The following RANBP2 variants were observed in gnomAD, a reference collection of about 807,000 sequenced individuals.
RANBP2 encodes E3 SUMO-protein ligase RanBP2.
In RANBP2, 57 loss-of-function variants were observed where a neutral mutation model predicts 303.6. The observed-to-expected ratio is 0.19, with a 90% CI of 0.15 to 0.23. The LOEUF (loss-of-function observed/expected upper bound fraction) is 0.23, where lower values mean the gene tolerates loss of function less well. RANBP2 is among the 10% of genes least tolerant of loss of function. The probability of loss-of-function intolerance (pLI) is 1.00; values close to 1 mark genes in which losing one functional copy is unlikely to be tolerated. For synonymous variants in RANBP2, 1,167 were observed against 1,301.5 expected (o/e 0.90, Z 2.23); for missense variants, 3,138 against 3,780.8 (o/e 0.83, Z 4.46).
chr2:109,748,599 G>A, the RANBP2 span, among the ~76,000 whole-genome samples: 5 of 113,394 alleles, frequency 4.4e-5, no homozygotes, highest in African/African-American at 9.5e-5. Flanking sequence ...TAGGCCGGGC[G>A]CAGTGGCTCA....
the RANBP2 span, among the ~76,000 whole-genome samples, chr2:109,666,078 TCCAG>T: frequency 4.0e-5 from 6 of 148,936 alleles, no homozygotes; most frequent in Admixed American, 3.4e-4. Flanking sequence ...GCCATTGCAC[TCCAG>T]CCTGGCAAAA....
At chr2:108,857,066 C>CTTTT in the RANBP2 span, 132 of 44,096 alleles carry the variant, frequency 3.0e-3, 16 homozygotes, top group African/African-American at 7.0e-3. Context: ...GATACTATTG[C>CTTTT]TTTTTTTTTT....
the RANBP2 span, among the ~76,000 whole-genome samples, chr2:108,872,194 A>G: frequency 6.6e-6 from 1 of 152,132 alleles, no homozygotes; most frequent in African/African-American, 2.4e-5. Context: ...GAATTCAGAG[A>G]AGAGTCTGAT....
chr2:108,950,643 T>C, the RANBP2 span, among the ~76,000 whole-genome samples: 2 of 152,216 alleles, frequency 1.3e-5, no homozygotes, highest in African/African-American at 4.8e-5. Flanking sequence ...CACACAGCCA[T>C]ATGCTGTCCC....
the RANBP2 span, among the ~76,000 whole-genome samples, chr2:109,304,467 C>T: frequency 6.6e-6 from 1 of 152,182 alleles, no homozygotes; most frequent in East Asian, 1.9e-4. Context: ...GCTAGGGGTT[C>T]CTTGTTCCCT....
the RANBP2 span, among the ~76,000 whole-genome samples, chr2:109,272,217 T>G: frequency 6.6e-6 from 1 of 152,198 alleles, no homozygotes; most frequent in Non-Finnish European, 1.5e-5. Context: ...TCTGACAGCC[T>G]TTTTCCTAGT....
chr2:108,882,027 G>A, the RANBP2 span, among the ~76,000 whole-genome samples: 9 of 151,828 alleles, frequency 5.9e-5, no homozygotes, highest in African/African-American at 1.2e-4. Context: ...AGTGGCAGGC[G>A]CTTGTAGTCC....
At chr2:108,809,218 G>GT in the RANBP2 span, among the ~76,000 whole-genome samples, 1 of 152,170 alleles carries the variant, frequency 6.6e-6, no homozygotes, top group African/African-American at 2.4e-5. Context: ...GGTTACTACA[G>GT]TTTTGTAGTA....
At chr2:108,729,786 C>A (rs1383912286) in intron 2 of RANBP2, among the ~76,000 whole-genome samples, 1 of 150,148 alleles carries the variant, frequency 6.7e-6, no homozygotes, top group Non-Finnish European at 1.5e-5. Context: ...CTGGCTCCAT[C>A]TTTGCTCACT....
At chr2:109,676,118 C>A in the RANBP2 span, among the ~76,000 whole-genome samples, 1 of 152,202 alleles carries the variant, frequency 6.6e-6, no homozygotes, top group Admixed American at 6.5e-5. Context: ...GAAGCCTTTC[C>A]CAACCAGCTG....
the RANBP2 span, chr2:109,667,691 C>A: frequency 5.9e-6 from 1 of 170,628 alleles, no homozygotes. Context: ...TTGCCTCTAT[C>A]TTGGATTCCA....
chr2:108,735,745 G>A lies in RANBP2; in HGVS notation c.619G>A (p.Val207Ile). 6.3e-7 allele frequency: 1 copy of A among 1,597,578 alleles called. No individual in the cohort carries two copies. Among genetic ancestry groups the A allele is most frequent in the Non-Finnish European group, 8.5e-7 (1 of 1,179,778 alleles). ...TTCAAGTTTAGAATGGAATTCGTGT[G>A]TTGTACAGACCCTTAAGGTAGATAA... ...LRSSLEWNSC[V>I]VQTLKEYLES... The change falls in exon 5 of 29, where the codon GTT becomes ATT. Residue 207 changes from valine to isoleucine, a missense_variant. Val to Ile is a conservative substitution (Grantham distance 29). Coordinates refer to ENST00000283195, the MANE Select transcript of RANBP2 (RefSeq NM_006267.5).
the RANBP2 span, among the ~76,000 whole-genome samples, chr2:109,439,541 G>A: frequency 6.6e-6 from 1 of 152,112 alleles, no homozygotes; most frequent in African/African-American, 2.4e-5. Flanking sequence ...TTCTCATCTC[G>A]AGCCAAAGTC....
the RANBP2 span, among the ~76,000 whole-genome samples, chr2:109,737,716 A>G: frequency 6.6e-6 from 1 of 152,132 alleles, no homozygotes; most frequent in Non-Finnish European, 1.5e-5. Context: ...ATTCCCTTTA[A>G]TCTGCATCCT....
the RANBP2 span, chr2:109,129,702 G>A: frequency 2.0e-6 from 3 of 1,534,892 alleles, no homozygotes; most frequent in South Asian, 2.4e-5. Flanking sequence ...TGCTGGACCT[G>A]CTGGAGTGCT....
the RANBP2 span, among the ~76,000 whole-genome samples, chr2:109,485,863 C>T: frequency 1.7e-4 from 26 of 152,244 alleles, no homozygotes; most frequent in African/African-American, 6.3e-4. Flanking sequence ...TGCAGCACAG[C>T]CTCATCGCAA....
the RANBP2 span, among the ~76,000 whole-genome samples, chr2:108,908,886 A>T: frequency 6.6e-6 from 1 of 152,194 alleles, no homozygotes; most frequent in Admixed American, 6.5e-5. Context: ...AAAGACAATG[A>T]GAACCATCAT....
the RANBP2 span, among the ~76,000 whole-genome samples, chr2:108,861,974 A>G: frequency 3.8e-4 from 58 of 151,608 alleles, no homozygotes; most frequent in African/African-American, 1.4e-3. Flanking sequence ...TCGGGAGTAA[A>G]TTCTTTAGTT....
the RANBP2 span, among the ~76,000 whole-genome samples, chr2:109,494,837 C>T: frequency 2.6e-5 from 4 of 152,162 alleles, no homozygotes; most frequent in Admixed American, 6.5e-5. Flanking sequence ...CCATCTCTTT[C>T]AAGACTCTGG....
Sources: gnomAD v4.1 joint callset for allele counts (sites outside exome capture counted in the v4.1 genomes callset) on GRCh38, gnomAD v4.1.1 for gene constraint, MANE v1.5 for transcripts, NCBI Gene and HGNC (gene_info 2026-07-23, HGNC 2026-07-21) for gene names.